Variants in PCCA observed in about 807,000 individuals in gnomAD.
PCCA encodes the protein propionyl-CoA carboxylase subunit alpha.
PCCA carries 74 observed loss-of-function variants against 101.3 expected under a neutral mutation model. That is an observed-to-expected ratio of 0.73 (90% CI 0.61 to 0.89). The LOEUF (loss-of-function observed/expected upper bound fraction) is 0.89, where lower values mean the gene tolerates loss of function less well. Ranked by LOEUF, PCCA falls within the 40% of genes least tolerant of loss-of-function variation. The probability of loss-of-function intolerance (pLI) is 0.00; values close to 1 mark genes in which losing one functional copy is unlikely to be tolerated. For missense variants in PCCA, 891 were observed against 907.0 expected, an observed-to-expected ratio of 0.98 and a Z score of 0.23; for synonymous variants, 294 against 313.6, an observed-to-expected ratio of 0.94 and a Z score of 0.66.
chr13:100,510,989 G>A (rs2086437935), intron 21 of PCCA, among the ~76,000 whole-genome samples: 1 of 152,222 alleles, frequency 6.6e-6, no homozygotes, highest in Non-Finnish European at 1.5e-5. Context: ...TTGTGTCTTG[G>A]AGATTTGTGG....
chr13:100,151,627 CAAAAA>C (rs995531429), intron 4 of PCCA, among the ~76,000 whole-genome samples: 11 of 150,832 alleles, frequency 7.3e-5, no homozygotes, highest in African/African-American at 1.9e-4. Context: ...CAAAACAAAA[CAAAAA>C]AAACCCTAAA....
chr13:100,523,759 C>T (rs757565071), intron 22 of PCCA, among the ~76,000 whole-genome samples: 8 of 152,148 alleles, frequency 5.3e-5, no homozygotes, highest in Non-Finnish European at 1.2e-4. Context: ...AGACAGGGAG[C>T]GGGGAGATAC....
At chr13:100,223,029 G>A (rs747403457) in intron 7 of PCCA, among the ~76,000 whole-genome samples, 7 of 152,092 alleles carry the variant, frequency 4.6e-5, no homozygotes, top group South Asian at 2.1e-4. Flanking sequence ...TCAAGTAATC[G>A]TTTGGTATCA....
At chr13:100,489,196 T>C (rs1262302418) in intron 21 of PCCA, among the ~76,000 whole-genome samples, 1 of 152,120 alleles carries the variant, frequency 6.6e-6, no homozygotes, top group Non-Finnish European at 1.5e-5. Context: ...TAGTCCCAGC[T>C]ACTCGGGAGG....
intron 12 of PCCA, 30 bp from the exon 13 acceptor site, chr13:100,301,430 C>A: frequency 6.2e-7 from 1 of 1,613,164 alleles, no homozygotes; most frequent in Non-Finnish European, 8.5e-7. Flanking sequence ...CTTTTCTACA[C>A]CTACTGACTG....
chr13:100,138,310 T>C (rs2051427388), intron 4 of PCCA, among the ~76,000 whole-genome samples: 2 of 152,216 alleles, frequency 1.3e-5, no homozygotes, highest in South Asian at 4.1e-4. Context: ...CATACTTAAC[T>C]TCCTATGGTC....
intron 12 of PCCA, among the ~76,000 whole-genome samples, chr13:100,289,161 A>G (rs1304801796): frequency 6.6e-6 from 1 of 152,072 alleles, no homozygotes; most frequent in Non-Finnish European, 1.5e-5. Flanking sequence ...TTATGTGGCT[A>G]TTTTCTTGCC....
chr13:100,232,698 C>T (rs1382574969), intron 7 of PCCA, among the ~76,000 whole-genome samples: 1 of 152,026 alleles, frequency 6.6e-6, no homozygotes, highest in African/African-American at 2.4e-5. Context: ...ATGTCTTTAT[C>T]CTTAGGTTTA....
intron 17 of PCCA, among the ~76,000 whole-genome samples, chr13:100,333,900 A>G (rs151030534): frequency 6.6e-6 from 1 of 152,356 alleles, no homozygotes; most frequent in African/African-American, 2.4e-5. Context: ...ACTGAATTCA[A>G]TCATTAAAGT....
At chr13:100,094,121 G>A (rs1181240702) in intron 1 of PCCA, among the ~76,000 whole-genome samples, 3 of 151,826 alleles carry the variant, frequency 2.0e-5, no homozygotes, top group Non-Finnish European at 4.4e-5. Flanking sequence ...TCAGCTACTT[G>A]GGAGGCTGAG....
intron 21 of PCCA, among the ~76,000 whole-genome samples, chr13:100,468,663 A>G (rs2082724060): frequency 6.6e-6 from 1 of 152,256 alleles, no homozygotes; most frequent in Non-Finnish European, 1.5e-5. Flanking sequence ...GAAGAGAGCT[A>G]GGGCCTTGCT....
chr13:100,443,391 G>A (rs1331285878), intron 20 of PCCA, among the ~76,000 whole-genome samples: 2 of 151,594 alleles, frequency 1.3e-5, no homozygotes, highest in South Asian at 4.2e-4. Context: ...GGCAGTTGCT[G>A]TGGAGAGCTG....
At chr13:100,266,425 A>G (rs1272612137) in intron 10 of PCCA, among the ~76,000 whole-genome samples, 1 of 152,172 alleles carries the variant, frequency 6.6e-6, no homozygotes, top group Non-Finnish European at 1.5e-5. Context: ...GGCCACACAG[A>G]TGTTCTCATA....
rs532423314 is a variant in PCCA at position 100,231,437 on chromosome 13, C to T, written c.601-4405C>T. Among the ~76,000 whole-genome samples, 57 of 151,996 alleles carry T rather than the reference C, an allele frequency of 3.8e-4. 1 individual carries two copies. The South Asian group carries it at 6.5e-3, about 17-fold the overall frequency. ...GGTGGGGCTGAGACTCATGCTTAGGCGGACAGGATCAAGTATTGAAACCAG... is the reference window on the plus strand; with the variant it reads ...GGTGGGGCTGAGACTCATGCTTAGGTGGACAGGATCAAGTATTGAAACCAG... On this transcript the variant is annotated intron_variant, in intron 7 of 23. Transcript: ENST00000376285.
chr13:100,484,406 A>T lies in PCCA; in HGVS notation c.1900-31021A>T, dbSNP rs1251273479. On this transcript the variant is annotated intron_variant, in intron 21 of 23. Transcript: ENST00000376285. ...TGCATAGGGATTACGTCCTCCAAAA[A>T]TAGAAAACTCTAAATTTACTAAGCA... Among the ~76,000 whole-genome samples the T allele has an allele frequency of 3.9e-5, 6 of 152,194 alleles. 1 individual carries two copies. The highest frequency in any genetic ancestry group is 8.8e-5 in the Non-Finnish European group (6 of 68,038).
intron 21 of PCCA, among the ~76,000 whole-genome samples, chr13:100,510,061 A>G (rs1289554040): frequency 1.3e-5 from 2 of 152,188 alleles, no homozygotes; most frequent in African/African-American, 2.4e-5. Flanking sequence ...CCACATACCT[A>G]TTATTTGGAT....
intron 21 of PCCA, among the ~76,000 whole-genome samples, chr13:100,468,297 G>A (rs1346596536): frequency 3.9e-5 from 6 of 152,158 alleles, no homozygotes; most frequent in East Asian, 1.9e-4. Context: ...TGGTAAGTGA[G>A]CACTGGCTTC....
chr13:100,376,534 A>T (rs1286660574), intron 19 of PCCA, among the ~76,000 whole-genome samples: 1 of 152,152 alleles, frequency 6.6e-6, no homozygotes. Flanking sequence ...CCTTTCTTTC[A>T]GAGATGCCTT....
chr13:100,261,269 G>T (rs945333596), intron 9 of PCCA, among the ~76,000 whole-genome samples: 1 of 151,656 alleles, frequency 6.6e-6, no homozygotes, highest in African/African-American at 2.4e-5. Flanking sequence ...AAATGTAAAG[G>T]AATTAAATTT....
Sources: gnomAD v4.1 joint callset for allele counts (sites outside exome capture counted in the v4.1 genomes callset) on GRCh38, gnomAD v4.1.1 for gene constraint, MANE v1.5 for transcripts, NCBI Gene and HGNC (gene_info 2026-07-23, HGNC 2026-07-21) for gene names.